IL18R1: variants seen among roughly 807,000 people sequenced by gnomAD.
The protein encoded by IL18R1 is interleukin-18 receptor 1.
In IL18R1, 40 loss-of-function variants were observed where a neutral mutation model predicts 48.5. That is an observed-to-expected ratio of 0.82 (90% CI 0.64 to 1.07). The LOEUF (loss-of-function observed/expected upper bound fraction) is 1.07. Ranked by LOEUF, IL18R1 falls within the 50% of genes least tolerant of loss-of-function variation. IL18R1 has a pLI of 0.00. For synonymous variants in IL18R1, 232 were observed against 225.9 expected (o/e 1.03, Z -0.24); for missense variants, 596 against 633.7 (o/e 0.94, Z 0.64).
intron 7 of IL18R1, among the ~76,000 whole-genome samples, chr2:102,386,346 A>G (rs1030255499): frequency 2.0e-5 from 3 of 152,262 alleles, no homozygotes; most frequent in Non-Finnish European, 2.9e-5. Context: ...CACTCATGGA[A>G]CAACTTAACT....
intron 8 of IL18R1, 113 bp downstream of exon 8, chr2:102,387,113 G>A: frequency 9.0e-7 from 1 of 1,115,386 alleles, no homozygotes; most frequent in Non-Finnish European, 1.3e-6. Flanking sequence ...CCTGAGAGGG[G>A]AAATCAGTCA....
intron 9 of IL18R1, among the ~76,000 whole-genome samples, chr2:102,391,442 G>T (rs892392722): frequency 6.6e-6 from 1 of 152,060 alleles, no homozygotes; most frequent in African/African-American, 2.4e-5. Flanking sequence ...TTTTAGGGCC[G>T]CACAGTATTT....
At chr2:102,358,750 G>A (rs969545961) in intron 1 of IL18R1, among the ~76,000 whole-genome samples, 2 of 152,054 alleles carry the variant, frequency 1.3e-5, no homozygotes, top group Non-Finnish European at 2.9e-5. Context: ...GAGAGCTGGT[G>A]GCCTAGACTT....
intron 6 of IL18R1, among the ~76,000 whole-genome samples, chr2:102,384,307 T>C (rs1225769972): frequency 6.6e-6 from 1 of 152,228 alleles, no homozygotes; most frequent in East Asian, 1.9e-4. Context: ...GTCCGAGCGC[T>C]TAGCAGTAAT....
chr2:102,356,198 C>T lies in IL18R1; in HGVS notation c.-231C>T. The T allele has an allele frequency of 4.1e-6, 1 of 246,084 alleles. No individual in the cohort carries two copies. Among genetic ancestry groups the T allele is most frequent in the South Asian group, 1.5e-4 (1 of 6,878 alleles). The allele number at this position is 246,084 out of a possible 1,614,324, so 15.2% of individuals were successfully genotyped here. A position where few individuals can be genotyped will look rare whatever the true frequency, so the allele number is the denominator to read the frequency against. On this transcript the variant is annotated 5_prime_UTR_variant, in exon 1 of 11. Coordinates refer to ENST00000233957, the MANE Select transcript of IL18R1 (RefSeq NM_003855.5). ...CTTCTTTCTGTTCCTACTTTTTTTC[C>T]TTCTTCTTCTTTTTTTTTTTTTTTG...
rs76721133 is a variant in IL18R1, at chr2:102,358,451, T to G, written c.-29+2051T>G. On this transcript the variant is annotated intron_variant, in intron 1 of 10. Coordinates refer to ENST00000233957, the MANE Select transcript of IL18R1 (RefSeq NM_003855.5). ...TTTCATTTAGAGAAAACTTCATGCC[T>G]TTGGGTGATTAGGTAAGTTTGTGAC... Among the ~76,000 whole-genome samples, 1,152 of 152,262 alleles carry G rather than the reference T, an allele frequency of 7.6e-3. 9 individuals are homozygous for G. The highest frequency in any genetic ancestry group is 0.011 in the Non-Finnish European group (755 of 68,000).
intron 4 of IL18R1, among the ~76,000 whole-genome samples, chr2:102,374,426 C>T (rs1275300002): frequency 6.6e-6 from 1 of 152,086 alleles, no homozygotes; most frequent in Non-Finnish European, 1.5e-5. Context: ...TTCTATTTCC[C>T]ATCAATGTAC....
At chr2:102,372,583 C>G (rs552387475) in intron 4 of IL18R1, among the ~76,000 whole-genome samples, 1 of 137,062 alleles carries the variant, frequency 7.3e-6, no homozygotes, top group African/African-American at 3.0e-5. Context: ...AAAAATCACT[C>G]ATAAATCCAT....
chr2:102,392,334 A>G (rs1680600667), intron 9 of IL18R1, among the ~76,000 whole-genome samples: 1 of 152,232 alleles, frequency 6.6e-6, no homozygotes, highest in Admixed American at 6.5e-5. Flanking sequence ...CTCTGTTTGC[A>G]TAGGCCAGTG....
In IL18R1 at chr2:102,395,572, G is replaced by A. The variant is rs539787723; in HGVS notation, c.1270+945G>A. Among the ~76,000 whole-genome samples the A allele has an allele frequency of 1.7e-4, 26 of 152,214 alleles. No individual in the cohort carries two copies. The South Asian group carries it at 5.4e-3, about 32-fold the overall frequency. On this transcript the variant is annotated intron_variant, in intron 10 of 10. Transcript: ENST00000233957. ...AAAAAAATATGCCAGATTATCAGAT[G>A]CATACATTGTAGTATTTTTGGATAG... is the stretch of plus-strand genomic sequence containing the variant.
At chr2:102,377,183 GCT>G (rs1202201257) in intron 5 of IL18R1, among the ~76,000 whole-genome samples, 2 of 152,146 alleles carry the variant, frequency 1.3e-5, no homozygotes, top group Non-Finnish European at 2.9e-5. Flanking sequence ...CAACCATATA[GCT>G]ATATACACCC....
chr2:102,372,185 T>A (rs1156768016), intron 4 of IL18R1, 67 bp downstream of exon 4: 7 of 1,301,796 alleles, frequency 5.4e-6, no homozygotes, highest in Non-Finnish European at 7.5e-6. Flanking sequence ...AATGAGGGGC[T>A]GAGAGCTACC....
chr2:102,384,797 C>T (rs1573220445), intron 6 of IL18R1, 81 bp from the exon 7 acceptor site: 1 of 1,527,036 alleles, frequency 6.5e-7, no homozygotes. Context: ...TTTAGGTTAA[C>T]ATACATTGAT....
Position 102,381,230 on chromosome 2 carries a change from T to C in IL18R1, c.626-390T>C, listed in dbSNP as rs115931431. The stretch of plus-strand genomic sequence containing the variant: ...AGGGATTTGCTTTTCTCAACCTGTC[T>C]TGGCCCTGCAACCTGTAAATCCATC... On this transcript the variant is annotated intron_variant, in intron 5 of 10. Transcript: ENST00000233957. Among the ~76,000 whole-genome samples the C allele has an allele frequency of 4.7e-3, 715 of 152,324 alleles. 5 individuals are homozygous for C. The highest frequency in any genetic ancestry group is 0.015 in the African/African-American group (629 of 41,574).
Position 102,390,090 on chromosome 2 carries a change from A to G in IL18R1, c.984A>G (p.Thr328=), listed in dbSNP as rs774672103. Residue 328 remains threonine, a synonymous_variant, in exon 9 of 11, where the codon ACA becomes ACG. Transcript: ENST00000233957. ...CTGATATCCCAGGCCACGTCTTCAC[A>G]AGAGGAATGATCATAGCTGTTTTGA... The part of the protein sequence containing the change: ...DMADIPGHVF[T]RGMIIAVLIL... 2.2e-5 allele frequency: 35 copies of G among 1,613,968 alleles called. No homozygotes were observed. The highest frequency in any genetic ancestry group is 1.7e-5 in the Non-Finnish European group (20 of 1,180,010).
intron 1 of IL18R1, among the ~76,000 whole-genome samples, chr2:102,358,281 A>T (rs1678370523): frequency 6.6e-6 from 1 of 152,184 alleles, no homozygotes; most frequent in African/African-American, 2.4e-5. Flanking sequence ...CCCATAAACA[A>T]GGGCAACTGG....
At chr2:102,363,954 G>A (rs985079845) in intron 2 of IL18R1, among the ~76,000 whole-genome samples, 1 of 152,154 alleles carries the variant, frequency 6.6e-6, no homozygotes, top group Non-Finnish European at 1.5e-5. Context: ...CACAAACCTT[G>A]AATTCCACTT....
chr2:102,371,118 G>A (rs571607128), intron 3 of IL18R1, among the ~76,000 whole-genome samples: 3 of 151,540 alleles, frequency 2.0e-5, no homozygotes, highest in East Asian at 1.9e-4. Flanking sequence ...GTGCAATGGC[G>A]CGATCTCCAC....
Position 102,377,489 on chromosome 2 carries a change from A to AT in IL18R1, c.625+1434dup, listed in dbSNP as rs939840231. Reference sequence around the variant, plus strand: ...GCCACCACTCCCGGCTAATTTTTATATTTTTTTTAGTAGAGACGGGGTTTC... The same window carrying AT: ...GCCACCACTCCCGGCTAATTTTTATATTTTTTTTTAGTAGAGACGGGGTTTC... On this transcript the variant is annotated intron_variant, in intron 5 of 10. Coordinates refer to ENST00000233957, the MANE Select transcript of IL18R1 (RefSeq NM_003855.5). Among the ~76,000 whole-genome samples, 20 of 151,492 alleles carry AT rather than the reference A, an allele frequency of 1.3e-4. 1 individual carries two copies. The highest frequency in any genetic ancestry group is 1.1e-3 in the Admixed American group (17 of 15,206).
Sources: gnomAD v4.1 joint callset for allele counts (sites outside exome capture counted in the v4.1 genomes callset) on GRCh38, gnomAD v4.1.1 for gene constraint, MANE v1.5 for transcripts, NCBI Gene and HGNC (gene_info 2026-07-23, HGNC 2026-07-21) for gene names.